KNTC1: variants seen among roughly 807,000 people sequenced by gnomAD.
The protein encoded by KNTC1 is kinetochore-associated protein 1.
In KNTC1, 253 loss-of-function variants were observed where a neutral mutation model predicts 314.4. That is an observed-to-expected ratio of 0.80 (90% CI 0.73 to 0.89). KNTC1 has a LOEUF of 0.89. Among genes scored for constraint, KNTC1 ranks in the 40% least tolerant of loss-of-function variants. The pLI is 0.00. For synonymous variants in KNTC1, 901 were observed against 901.4 expected (o/e 1.00, Z 0.01); for missense variants, 2,475 against 2,572.9 (o/e 0.96, Z 0.82).
intron 44 of KNTC1, among the ~76,000 whole-genome samples, chr12:122,600,892 T>C (rs949497898): frequency 7.3e-5 from 11 of 151,724 alleles, no homozygotes; most frequent in Non-Finnish European, 1.5e-4. Context: ...TCTTGAACTC[T>C]TGACCCCAGG....
intron 18 of KNTC1, among the ~76,000 whole-genome samples, chr12:122,561,602 C>T (rs1227060286): frequency 1.3e-5 from 2 of 151,660 alleles, no homozygotes; most frequent in Non-Finnish European, 2.9e-5. Context: ...TACAGGTGTG[C>T]GCAACAGTGC....
chr12:122,571,243 G>A (rs1396045777), intron 24 of KNTC1, 117 bp downstream of exon 24: 4 of 699,616 alleles, frequency 5.7e-6, no homozygotes, highest in African/African-American at 3.6e-5. Flanking sequence ...CTGTTTTTTT[G>A]TGCCTTTTTT....
chr12:122,534,559 C>A, intron 2 of KNTC1, 105 bp from the exon 3 acceptor site: 2 of 1,105,744 alleles, frequency 1.8e-6, no homozygotes, highest in South Asian at 1.5e-5. Context: ...AAAAGCCTGT[C>A]AAGTTTTAAA....
chr12:122,555,319 A>G (rs1565950470), intron 16 of KNTC1, among the ~76,000 whole-genome samples: 1 of 152,200 alleles, frequency 6.6e-6, no homozygotes, highest in Non-Finnish European at 1.5e-5. Flanking sequence ...TGGGAGGCCA[A>G]GGTGGGTGGA....
intron 16 of KNTC1, among the ~76,000 whole-genome samples, chr12:122,554,076 A>AAAAATATATATATATATATATATATAT (rs370146333): frequency 9.2e-6 from 1 of 109,064 alleles, no homozygotes; most frequent in African/African-American, 3.9e-5. Flanking sequence ...AAAAAAAAAA[A>AAAAATATATATATATATATATATATAT]ATATATATAT....
At position 122,534,787 on chromosome 12, in the gene KNTC1, A is replaced by G; in HGVS notation, c.250+3A>G. 6.2e-7 allele frequency: 1 copy of G among 1,612,608 alleles called. No homozygotes were observed. The highest frequency in any genetic ancestry group is 8.5e-7 in the Non-Finnish European group (1 of 1,178,984). ...ACTTCAATTGCATCTTGTCTTTGGTAAGTATAATGTAGTGAATGAAGTAAG... is the reference window on the plus strand; with the variant it reads ...ACTTCAATTGCATCTTGTCTTTGGTGAGTATAATGTAGTGAATGAAGTAAG... On this transcript the variant is annotated splice_donor_region_variant and intron_variant, in intron 3 of 63. Transcript: ENST00000333479.
chr12:122,550,432 A>G (rs1049112986), intron 13 of KNTC1, among the ~76,000 whole-genome samples: 5 of 151,154 alleles, frequency 3.3e-5, no homozygotes, highest in Non-Finnish European at 7.4e-5. Flanking sequence ...TGGGCCAATT[A>G]CTTTAAAGCT....
chr12:122,574,487 G>A, intron 27 of KNTC1, 107 bp downstream of exon 27: 1 of 654,636 alleles, frequency 1.5e-6, no homozygotes, highest in Non-Finnish European at 2.6e-6. Context: ...TTTGAGATGG[G>A]TCTGGCTGTG....
At chr12:122,588,434 T>C (rs1869680482) in intron 39 of KNTC1, among the ~76,000 whole-genome samples, 1 of 152,218 alleles carries the variant, frequency 6.6e-6, no homozygotes, top group African/African-American at 2.4e-5. Flanking sequence ...ATGAACTGTA[T>C]TGAGGTATAA....
chr12:122,571,481 C>T (rs990755409), intron 24 of KNTC1, among the ~76,000 whole-genome samples: 1 of 151,970 alleles, frequency 6.6e-6, no homozygotes, highest in African/African-American at 2.4e-5. Context: ...ACCTCAGCCT[C>T]CTGAGTAGCT....
At chr12:122,552,893 C>T (rs1465264282) in intron 16 of KNTC1, among the ~76,000 whole-genome samples, 1 of 152,080 alleles carries the variant, frequency 6.6e-6, no homozygotes, top group Non-Finnish European at 1.5e-5. Context: ...TGGCTCACTC[C>T]TTTAATTCCA....
At chr12:122,528,434 G>A (rs905799622) in intron 1 of KNTC1, among the ~76,000 whole-genome samples, 1 of 152,172 alleles carries the variant, frequency 6.6e-6, no homozygotes, top group Non-Finnish European at 1.5e-5. Flanking sequence ...CATCAACCAA[G>A]CATTGTTCTG....
At position 122,602,870 on chromosome 12, in the gene KNTC1, A is replaced by AT. The variant is rs1276073132; in HGVS notation, c.4870dup (p.Ser1624PhefsTer35). On this transcript the variant is annotated frameshift_variant, in exon 47 of 64. Coordinates refer to ENST00000333479, the MANE Select transcript of KNTC1 (RefSeq NM_014708.6). LOFTEE classifies it high-confidence loss of function. ...AGAATCTTTCCCAACATTGCTCTTAATTTCGAAATTAATGAAGGTAATGGA... is the reference window on the plus strand; with the variant it reads ...AGAATCTTTCCCAACATTGCTCTTAATTTTCGAAATTAATGAAGGTAATGGA... The AT allele has an allele frequency of 1.2e-6, 2 of 1,609,724 alleles. No homozygotes were observed. The highest frequency in any genetic ancestry group is 1.7e-6 in the Non-Finnish European group (2 of 1,176,296).
intron 2 of KNTC1, among the ~76,000 whole-genome samples, chr12:122,532,701 C>T (rs554210165): frequency 1.4e-4 from 21 of 152,072 alleles, no homozygotes; most frequent in Non-Finnish European, 3.1e-4. Flanking sequence ...TGTTCTGAGC[C>T]CAATATTAGG....
At chr12:122,587,275 C>CTTT (rs1869492602) in intron 38 of KNTC1, among the ~76,000 whole-genome samples, 1 of 151,656 alleles carries the variant, frequency 6.6e-6, no homozygotes, top group South Asian at 2.1e-4. Context: ...GACCCTATCT[C>CTTT]TAAAAAAACA....
intron 51 of KNTC1, among the ~76,000 whole-genome samples, chr12:122,605,806 A>G (rs576557168): frequency 6.6e-6 from 1 of 152,134 alleles, no homozygotes; most frequent in South Asian, 2.1e-4. Flanking sequence ...AGCCTCTCAA[A>G]GTGCTGGGAT....
Position 122,585,628 on chromosome 12 carries a change from G to T in KNTC1, c.3535-8G>T, listed in dbSNP as rs1351036994. The T allele has an allele frequency of 6.2e-7, 1 of 1,613,386 alleles. No individual in the cohort carries two copies. Among genetic ancestry groups the T allele is most frequent in the Non-Finnish European group, 8.5e-7 (1 of 1,179,632 alleles). ...AGTTCTCTCTTTTTTGTATGATTTG[G>T]CACCTAGGCTTCTTTTGGGACACAT... is the stretch of plus-strand genomic sequence containing the variant. On this transcript the variant is annotated splice_polypyrimidine_tract_variant and splice_region_variant and intron_variant, in intron 36 of 63. Transcript: ENST00000333479.
intron 57 of KNTC1, among the ~76,000 whole-genome samples, chr12:122,616,557 G>A (rs748510564): frequency 3.9e-5 from 6 of 152,120 alleles, no homozygotes; most frequent in South Asian, 4.1e-4. Context: ...CACCGCACCC[G>A]GCCGAGATTT....
Position 122,602,820 on chromosome 12 carries a change from C to T in KNTC1, c.4826-9C>T, listed in dbSNP as rs908312096. 1 of 1,612,564 alleles carries T rather than the reference C, an allele frequency of 6.2e-7. No individual in the cohort carries two copies. Among genetic ancestry groups the T allele is most frequent in the Non-Finnish European group, 8.5e-7 (1 of 1,179,162 alleles). On this transcript the variant is annotated splice_polypyrimidine_tract_variant and intron_variant, in intron 46 of 63. Transcript: ENST00000333479. ...TAAGCAAATCGTACTTTCCTTGTTT[C>T]CTTTCTAGCTACAGAACTCAGTGAA...
Sources: gnomAD v4.1 joint callset for allele counts (sites outside exome capture counted in the v4.1 genomes callset) on GRCh38, gnomAD v4.1.1 for gene constraint, MANE v1.5 for transcripts, NCBI Gene and HGNC (gene_info 2026-07-23, HGNC 2026-07-21) for gene names.